Variants in DLGAP1 observed in about 807,000 individuals in gnomAD.
DLGAP1 encodes the protein DLG associated protein 1, also known as disks large-associated protein 1.
In DLGAP1, 11 loss-of-function variants were observed where a neutral mutation model predicts 90.8. That is an observed-to-expected ratio of 0.12 (90% CI 0.08 to 0.20). DLGAP1 has a LOEUF of 0.20. Among genes scored for constraint, DLGAP1 ranks in the 10% least tolerant of loss-of-function variants. The pLI is 1.00. For missense variants in DLGAP1, 1,050 were observed against 1,333.8 expected (o/e 0.79, Z 3.31); for synonymous variants, 558 against 540.7 (o/e 1.03, Z -0.44).
At chr18:4,244,702 T>C (rs1378895646) in intron 1 of DLGAP1, among the ~76,000 whole-genome samples, 1 of 152,214 alleles carries the variant, frequency 6.6e-6, no homozygotes, top group Non-Finnish European at 1.5e-5. Flanking sequence ...TCTTCAGCCA[T>C]AAAATAGGTA....
chr18:3,907,046 T>A (rs1296561148), intron 3 of DLGAP1, among the ~76,000 whole-genome samples: 2 of 152,200 alleles, frequency 1.3e-5, no homozygotes, highest in Non-Finnish European at 2.9e-5. Flanking sequence ...TGATTTAAAG[T>A]ATATGGGAGG....
chr18:3,605,273 G>A (rs1428402044), intron 7 of DLGAP1, among the ~76,000 whole-genome samples: 2 of 152,114 alleles, frequency 1.3e-5, no homozygotes, highest in African/African-American at 2.4e-5. Flanking sequence ...GCTTACGTTC[G>A]ACCTCTTCCA....
At chr18:4,430,802 C>T (rs1314018062) in intron 1 of DLGAP1, 2 of 152,204 alleles carry the variant, frequency 1.3e-5, no homozygotes, top group East Asian at 3.9e-4. Flanking sequence ...TAAACCTACT[C>T]TCAGAAGTGT....
At chr18:3,621,072 T>G (rs1184474583) in intron 7 of DLGAP1, among the ~76,000 whole-genome samples, 2 of 152,184 alleles carry the variant, frequency 1.3e-5, no homozygotes, top group Non-Finnish European at 2.9e-5. Flanking sequence ...CAGGTCCTTC[T>G]GGTAATTCTG....
intron 2 of DLGAP1, among the ~76,000 whole-genome samples, chr18:4,093,231 A>G (rs917895406): frequency 6.6e-6 from 1 of 152,216 alleles, no homozygotes; most frequent in African/African-American, 2.4e-5. Context: ...CATTACAACT[A>G]TTGAATAAGA....
chr18:4,083,761 A>T (rs1239013703), intron 2 of DLGAP1, among the ~76,000 whole-genome samples: 8 of 152,148 alleles, frequency 5.3e-5, no homozygotes, highest in African/African-American at 1.9e-4. Context: ...TGAGCAGGTC[A>T]TGGGGAGCGT....
At chr18:4,349,721 C>G (rs1025287277) in intron 1 of DLGAP1, among the ~76,000 whole-genome samples, 1 of 151,470 alleles carries the variant, frequency 6.6e-6, no homozygotes, top group East Asian at 1.9e-4. Context: ...TTAAAAAAAC[C>G]GATAACATGA....
At chr18:4,046,576 G>A (rs1031290958) in intron 2 of DLGAP1, among the ~76,000 whole-genome samples, 1 of 152,228 alleles carries the variant, frequency 6.6e-6, no homozygotes, top group African/African-American at 2.4e-5. Flanking sequence ...TCTGTGAAAC[G>A]TGCTGGACAT....
At chr18:4,120,880 ACTAGGCTAGATACTGGG>A (rs2144106762) in intron 2 of DLGAP1, among the ~76,000 whole-genome samples, 1 of 152,170 alleles carries the variant, frequency 6.6e-6, no homozygotes, top group South Asian at 2.1e-4. Flanking sequence ...GCACTTCGTT[ACTAGGCTAGATACTGGG>A]CTAGGCTAGC....
chr18:3,668,403 C>T (rs2059956337), intron 7 of DLGAP1, among the ~76,000 whole-genome samples: 1 of 152,126 alleles, frequency 6.6e-6, no homozygotes, highest in Non-Finnish European at 1.5e-5. Flanking sequence ...GCCTCAAAGT[C>T]CTGAGCTCAA....
At chr18:4,149,207 A>T (rs2076633134) in intron 2 of DLGAP1, among the ~76,000 whole-genome samples, 1 of 152,210 alleles carries the variant, frequency 6.6e-6, no homozygotes, top group Non-Finnish European at 1.5e-5. Context: ...TTTGGATCTC[A>T]TATAATGTCT....
chr18:3,934,045 G>A lies in DLGAP1; in HGVS notation c.-72-53905C>T, dbSNP rs143209639. 1.6e-3 allele frequency among the ~76,000 whole-genome samples: 238 copies of A among 152,282 alleles called. 2 individuals carry two copies. Among genetic ancestry groups the A allele is most frequent in the African/African-American group, 5.4e-3 (224 of 41,566 alleles). On this transcript the variant is annotated intron_variant, in intron 3 of 12. Coordinates refer to ENST00000315677, the MANE Select transcript of DLGAP1 (RefSeq NM_004746.4). ...ACTCAGTAGGCAGCAGCCATGCAAG[G>A]AGGGCAGTCTCTCTGGGTAAATCTT...
At chr18:3,808,186 G>T (rs2066657744) in intron 5 of DLGAP1, among the ~76,000 whole-genome samples, 1 of 152,184 alleles carries the variant, frequency 6.6e-6, no homozygotes, top group Non-Finnish European at 1.5e-5. Context: ...TTGTAGATGA[G>T]CAAGTGATAA....
chr18:4,180,405 C>T, intron 1 of DLGAP1, among the ~76,000 whole-genome samples: 1 of 152,206 alleles, frequency 6.6e-6, no homozygotes, highest in Non-Finnish European at 1.5e-5. Flanking sequence ...ATTACACTTT[C>T]CCAAAATTCC....
intron 1 of DLGAP1, among the ~76,000 whole-genome samples, chr18:4,211,584 C>T (rs1432248716): frequency 6.6e-6 from 1 of 152,060 alleles, no homozygotes; most frequent in Non-Finnish European, 1.5e-5. Flanking sequence ...ATCCTAGGGA[C>T]TCTCCAATAA....
chr18:4,038,657 G>C (rs1435108585), intron 2 of DLGAP1, among the ~76,000 whole-genome samples: 2 of 152,090 alleles, frequency 1.3e-5, no homozygotes, highest in Non-Finnish European at 2.9e-5. Context: ...GAATAATCAA[G>C]ACACAACATA....
At chr18:3,822,719 G>A (rs1170507506) in intron 4 of DLGAP1, among the ~76,000 whole-genome samples, 1 of 152,230 alleles carries the variant, frequency 6.6e-6, no homozygotes, top group East Asian at 1.9e-4. Flanking sequence ...AGAGGGCCTA[G>A]GTCTGCAGTC....
At chr18:3,697,892 G>A (rs1485079814) in intron 7 of DLGAP1, among the ~76,000 whole-genome samples, 1 of 152,120 alleles carries the variant, frequency 6.6e-6, no homozygotes. Context: ...TATATATTTA[G>A]GATAGTTAGC....
intron 8 of DLGAP1, among the ~76,000 whole-genome samples, chr18:3,576,405 C>T (rs1433902884): frequency 1.3e-5 from 2 of 150,512 alleles, no homozygotes; most frequent in Non-Finnish European, 3.0e-5. Context: ...ATTACAGGTG[C>T]CCACCACCAT....
Sources: allele counts gnomAD v4.1 joint callset (sites outside exome capture counted in the v4.1 genomes callset), GRCh38; gene constraint gnomAD v4.1.1; transcripts MANE v1.5; gene names NCBI Gene and HGNC (gene_info 2026-07-23, HGNC 2026-07-21).